Variants in CBFA2T3 observed in about 807,000 individuals in gnomAD.
CBFA2T3 encodes CBFA2/RUNX1 partner transcriptional co-repressor 3.
A neutral mutation model predicts 58.6 loss-of-function variants in CBFA2T3; 31 were observed. The ratio of observed to expected loss-of-function variants is 0.53; its 90% CI spans 0.40 to 0.71. The LOEUF (loss-of-function observed/expected upper bound fraction) is 0.71, where lower values mean the gene tolerates loss of function less well. Ranked by LOEUF, CBFA2T3 falls within the 30% of genes least tolerant of loss-of-function variation. CBFA2T3 has a pLI of 0.00. For synonymous variants in CBFA2T3, 531 were observed against 421.9 expected (o/e 1.26, Z -3.17); for missense variants, 1,076 against 963.1 (o/e 1.12, Z -1.55).
At chr16:88,887,000 A>G (rs1002781152) in intron 5 of CBFA2T3, 1 of 152,188 alleles carries the variant, frequency 6.6e-6, no homozygotes, top group African/African-American at 2.4e-5. Context: ...GCCTTCCCCA[A>G]AGTCTTCCCA....
intron 1 of CBFA2T3, among the ~76,000 whole-genome samples, chr16:88,905,454 C>T (rs1319831848): frequency 6.6e-6 from 1 of 151,984 alleles, no homozygotes; most frequent in African/African-American, 2.4e-5. Context: ...TGTCACCCCA[C>T]ACTGGGCGGT....
At chr16:88,959,631 G>C (rs563614009) in intron 1 of CBFA2T3, among the ~76,000 whole-genome samples, 1 of 152,306 alleles carries the variant, frequency 6.6e-6, no homozygotes, top group African/African-American at 2.4e-5. Context: ...GGAAGGTCCC[G>C]GGGAAACCCT....
At chr16:88,971,284 A>G (rs895171871) in intron 1 of CBFA2T3, among the ~76,000 whole-genome samples, 3 of 152,050 alleles carry the variant, frequency 2.0e-5, no homozygotes, top group South Asian at 2.1e-4. Context: ...TAATTTTTGT[A>G]TATTTACTAG....
chr16:88,880,573 G>A (rs770859456), intron 10 of CBFA2T3, 147 bp downstream of exon 10: 9 of 691,428 alleles, frequency 1.3e-5, no homozygotes, highest in East Asian at 2.7e-5. Flanking sequence ...TGACCTCTCC[G>A]TGAGCCACAC....
At chr16:88,925,584 A>G (rs1314144827) in intron 1 of CBFA2T3, among the ~76,000 whole-genome samples, 1 of 152,182 alleles carries the variant, frequency 6.6e-6, no homozygotes, top group Non-Finnish European at 1.5e-5. Context: ...AGTGGCAGAC[A>G]CAGGCTCAGA....
chr16:88,928,348 CG>C (rs370344161), intron 1 of CBFA2T3, among the ~76,000 whole-genome samples: 24 of 152,318 alleles, frequency 1.6e-4, no homozygotes, highest in East Asian at 1.5e-3. Context: ...CCAGGTGGAG[CG>C]GGCCCGGTCT....
chr16:88,957,779 C>A (rs1382792411), intron 1 of CBFA2T3: 2 of 152,340 alleles, frequency 1.3e-5, no homozygotes. Flanking sequence ...ATCCCGCTTA[C>A]ACACAACACC....
chr16:88,934,534 A>G (rs1427527531), intron 1 of CBFA2T3, among the ~76,000 whole-genome samples: 1 of 152,222 alleles, frequency 6.6e-6, no homozygotes, highest in Non-Finnish European at 1.5e-5. Context: ...GCGAGGCTCC[A>G]TCTTCCCTGT....
At chr16:88,910,870 C>T (rs1038561999) in intron 1 of CBFA2T3, among the ~76,000 whole-genome samples, 5 of 148,214 alleles carry the variant, frequency 3.4e-5, no homozygotes, top group Non-Finnish European at 6.1e-5. Flanking sequence ...GACCAGGAGG[C>T]GGCTCCCTCC....
rs1212530889 is a variant in CBFA2T3 at position 88,882,496 on chromosome 16, C to CGTGGCT, written c.1203+174_1203+179dup. Among the ~76,000 whole-genome samples the CGTGGCT allele has an allele frequency of 3.9e-5, 5 of 128,142 alleles. No individual in the cohort carries two copies. In the South Asian group the frequency reaches 1.0e-3, roughly 26 times the overall value. 84.1% of individuals were successfully genotyped at this position (128,142 alleles called of 152,430 possible). ...GGGTGGCTGTGTGTGACTGCACGGG[C>CGTGGCT]GTGGCTGTGGCTGTGTGGGCGTGGC... is the stretch of plus-strand genomic sequence containing the variant. On this transcript the variant is annotated intron_variant, in intron 8 of 11. Coordinates refer to ENST00000268679, the MANE Select transcript of CBFA2T3 (RefSeq NM_005187.6).
intron 3 of CBFA2T3, among the ~76,000 whole-genome samples, chr16:88,897,469 T>C (rs1174798006): frequency 6.6e-6 from 1 of 152,344 alleles, no homozygotes; most frequent in South Asian, 2.1e-4. Flanking sequence ...TAAGAGCCCA[T>C]GCTCCCTGAA....
chr16:88,891,814 G>T, intron 5 of CBFA2T3, 68 bp downstream of exon 5: 1 of 1,105,528 alleles, frequency 9.0e-7, no homozygotes, highest in Non-Finnish European at 1.4e-6. Context: ...TGTCCACGCT[G>T]GCAAGGAGTG....
chr16:88,975,560 G>A (rs1027650577), intron 1 of CBFA2T3, among the ~76,000 whole-genome samples: 1 of 152,280 alleles, frequency 6.6e-6, no homozygotes, highest in Admixed American at 6.5e-5. Flanking sequence ...GAGAGGACGG[G>A]ATGGCAGATG....
chr16:88,945,259 G>A (rs1425282527), intron 1 of CBFA2T3, among the ~76,000 whole-genome samples: 2 of 152,148 alleles, frequency 1.3e-5, no homozygotes, highest in Non-Finnish European at 2.9e-5. Context: ...CTAGAACAGT[G>A]AGTTTTTAAA....
At position 88,901,506 on chromosome 16, in the gene CBFA2T3, G is replaced by T; in HGVS notation, c.302C>A (p.Thr101Lys). ...ATRPPSFTPH[T>K]HREDGPATLP... Reference sequence around the variant, plus strand: ...GCTGCCAGGTGGGGGCTACTTACGTGTGTGTGGCGTGAAGGAGGGGGGGCG... The same window carrying T: ...GCTGCCAGGTGGGGGCTACTTACGTTTGTGTGGCGTGAAGGAGGGGGGGCG... The change falls in exon 2 of 12, where the codon ACA becomes AAA. Residue 101 changes from threonine to lysine, a missense_variant and splice_region_variant. Physicochemically the swap from Thr to Lys is moderately conservative, Grantham distance 78. Transcript: ENST00000268679. The T allele has an allele frequency of 6.8e-7, 1 of 1,469,764 alleles. No individual in the cohort carries two copies. The allele number at this position is 1,469,764 out of a possible 1,614,324, so 91.0% of individuals were successfully genotyped here.
In CBFA2T3 at chr16:88,976,748, G is replaced by A; in HGVS notation, c.60C>T (p.Gly20=). The A allele has an allele frequency of 1.3e-6, 2 of 1,556,968 alleles. No individual in the cohort carries two copies. The highest frequency in any genetic ancestry group is 1.2e-5 in the South Asian group (1 of 84,492). Residue 20 remains glycine (G), a synonymous_variant, in exon 1 of 12, where the codon GGC becomes GGT. Transcript: ENST00000268679. ...AASSASGSTC[G]SMSQTHPVLE... ...GCACAGGGTGCGTCTGGGACATGGA[G>A]CCACAGGTGGATCCCGAGGCTGAAC...
chr16:88,896,307 G>C (rs968676342), intron 3 of CBFA2T3, among the ~76,000 whole-genome samples: 1 of 152,184 alleles, frequency 6.6e-6, no homozygotes, highest in Non-Finnish European at 1.5e-5. Context: ...CCCCTCAACC[G>C]GGCAACCTGC....
chr16:88,910,229 C>T lies in CBFA2T3; in HGVS notation c.152-8573G>A, dbSNP rs544290812. 2.0e-5 allele frequency among the ~76,000 whole-genome samples: 3 copies of T among 152,366 alleles called. No individual in the cohort carries two copies. The East Asian group carries it at 5.8e-4, about 29-fold the overall frequency. On this transcript the variant is annotated intron_variant, in intron 1 of 11. Coordinates refer to ENST00000268679, the MANE Select transcript of CBFA2T3 (RefSeq NM_005187.6). ...AGGTCCCCGCAAGTCTGCCTCTCAT[C>T]CTCACACCTTTGCTGCAGGCTGCCT...
chr16:88,890,629 C>G (rs1238195118), intron 5 of CBFA2T3, among the ~76,000 whole-genome samples: 1 of 152,260 alleles, frequency 6.6e-6, no homozygotes, highest in Non-Finnish European at 1.5e-5. Flanking sequence ...AGATGGCAGT[C>G]TGACTCCACG....
Sources: allele counts gnomAD v4.1 joint callset (sites outside exome capture counted in the v4.1 genomes callset), GRCh38; gene constraint gnomAD v4.1.1; transcripts MANE v1.5; gene names NCBI Gene and HGNC (gene_info 2026-07-23, HGNC 2026-07-21).